EVI5: variants seen among roughly 807,000 people sequenced by gnomAD.
EVI5 encodes the protein ecotropic viral integration site 5.
In EVI5, 73 loss-of-function variants were observed where a neutral mutation model predicts 112.0. That is an observed-to-expected ratio of 0.65 (90% CI 0.54 to 0.79). The LOEUF (loss-of-function observed/expected upper bound fraction) is 0.79, where lower values mean the gene tolerates loss of function less well. EVI5 is among the 30% of genes least tolerant of loss of function. EVI5 has a pLI of 0.00. For missense variants in EVI5, 900 were observed against 968.8 expected, an observed-to-expected ratio of 0.93 and a Z score of 0.94; for synonymous variants, 305 against 319.9, an observed-to-expected ratio of 0.95 and a Z score of 0.50.
At chr1:92,692,343 A>C (rs1478176153) in intron 9 of EVI5, among the ~76,000 whole-genome samples, 1 of 152,200 alleles carries the variant, frequency 6.6e-6, no homozygotes, top group Non-Finnish European at 1.5e-5. Context: ...GGCTAGTGTG[A>C]GTTCAATGTG....
intron 1 of EVI5, among the ~76,000 whole-genome samples, chr1:92,760,887 T>C (rs766431715): frequency 1.3e-5 from 2 of 151,626 alleles, no homozygotes; most frequent in Non-Finnish European, 2.9e-5. Flanking sequence ...AAACCCCATC[T>C]CTACTAAAAA....
chr1:92,728,404 A>G (rs555777250), intron 2 of EVI5, among the ~76,000 whole-genome samples: 4 of 150,316 alleles, frequency 2.7e-5, no homozygotes, highest in Admixed American at 6.6e-5. Flanking sequence ...TTTTGGAGAC[A>G]AAGTCTCGCT....
intron 2 of EVI5, among the ~76,000 whole-genome samples, chr1:92,707,760 G>T (rs1672235790): frequency 6.6e-6 from 1 of 152,076 alleles, no homozygotes; most frequent in Non-Finnish European, 1.5e-5. Context: ...TATCCATATG[G>T]TCCAGCAGTA....
chr1:92,692,466 A>AT (rs1669644090), intron 9 of EVI5, among the ~76,000 whole-genome samples: 1 of 152,240 alleles, frequency 6.6e-6, no homozygotes, highest in African/African-American at 2.4e-5. Flanking sequence ...ACGTATCAAC[A>AT]TGATGGTGGT....
chr1:92,723,781 C>G (rs1483396442), intron 2 of EVI5, among the ~76,000 whole-genome samples: 1 of 152,144 alleles, frequency 6.6e-6, no homozygotes, highest in Admixed American at 6.6e-5. Context: ...TTTCTTCTTG[C>G]AGAAAGTGAG....
At chr1:92,698,457 A>G (rs1026718400) in intron 5 of EVI5, among the ~76,000 whole-genome samples, 2 of 152,238 alleles carry the variant, frequency 1.3e-5, no homozygotes, top group African/African-American at 4.8e-5. Context: ...GATATAGATC[A>G]GGAAAGGTCC....
chr1:92,587,887 T>C (rs892850013), intron 18 of EVI5, among the ~76,000 whole-genome samples: 1 of 152,216 alleles, frequency 6.6e-6, no homozygotes, highest in Non-Finnish European at 1.5e-5. Context: ...CAAAAATCAA[T>C]ATGCTTATCT....
chr1:92,516,618 G>C (rs1659928714), intron 19 of EVI5, among the ~76,000 whole-genome samples: 1 of 152,128 alleles, frequency 6.6e-6, no homozygotes, highest in Admixed American at 6.6e-5. Flanking sequence ...ATTTGGGGAA[G>C]GAATTCCAGG....
intron 9 of EVI5, among the ~76,000 whole-genome samples, chr1:92,691,296 A>T (rs1357795983): frequency 1.3e-5 from 2 of 152,230 alleles, no homozygotes; most frequent in African/African-American, 4.8e-5. Flanking sequence ...TGTATTAAAG[A>T]GTGAAGTGTC....
At chr1:92,666,453 G>C (rs1162898159) in intron 10 of EVI5, among the ~76,000 whole-genome samples, 2 of 145,220 alleles carry the variant, frequency 1.4e-5, no homozygotes, top group Non-Finnish European at 3.1e-5. Context: ...AGGCTGAGGT[G>C]GGAGGCTGGG....
chr1:92,563,494 C>T (rs1266263554), intron 19 of EVI5, 148 bp downstream of exon 19: 1 of 448,148 alleles, frequency 2.2e-6, no homozygotes. Context: ...GCTAAAAAGA[C>T]AATTTTCAAA....
chr1:92,685,941 G>A (rs575684196), intron 9 of EVI5, among the ~76,000 whole-genome samples: 1 of 152,094 alleles, frequency 6.6e-6, no homozygotes, highest in South Asian at 2.1e-4. Flanking sequence ...AGGACCTGAT[G>A]GATTCACAGT....
intron 13 of EVI5, among the ~76,000 whole-genome samples, chr1:92,651,659 G>A (rs1236990540): frequency 6.9e-6 from 1 of 145,960 alleles, no homozygotes; most frequent in Non-Finnish European, 1.5e-5. Context: ...AGACCATCCC[G>A]GCTAAAACGG....
chr1:92,785,361 C>A (rs1685513211), upstream of EVI5, among the ~76,000 whole-genome samples: 1 of 152,210 alleles, frequency 6.6e-6, no homozygotes, highest in African/African-American at 2.4e-5. Context: ...AGAAGACACA[C>A]CCCCTCGGGG....
chr1:92,533,582 C>G (rs1446810370), intron 19 of EVI5, among the ~76,000 whole-genome samples: 2 of 152,120 alleles, frequency 1.3e-5, no homozygotes, highest in Non-Finnish European at 2.9e-5. Flanking sequence ...AGCTTATCCA[C>G]CACGATCAAG....
chr1:92,749,888 GCTCT>G (rs1558198610), intron 1 of EVI5, among the ~76,000 whole-genome samples: 3 of 152,066 alleles, frequency 2.0e-5, no homozygotes, highest in East Asian at 3.9e-4. Flanking sequence ...TCACATAACT[GCTCT>G]CTAAGTCTCT....
chr1:92,685,843 C>T (rs1668431199), intron 9 of EVI5, among the ~76,000 whole-genome samples: 1 of 152,088 alleles, frequency 6.6e-6, no homozygotes, highest in African/African-American at 2.4e-5. Context: ...CAAGACTAAA[C>T]CAGGAAGAAG....
chr1:92,553,533 T>G (rs1037825486), intron 19 of EVI5, among the ~76,000 whole-genome samples: 1 of 151,956 alleles, frequency 6.6e-6, no homozygotes, highest in Non-Finnish European at 1.5e-5. Flanking sequence ...GAACTCCTGA[T>G]CTTGTGATCC....
At position 92,784,880 on chromosome 1, in the gene EVI5, T is replaced by C; in HGVS notation, c.-126A>G. The C allele has an allele frequency of 1.0e-6, 1 of 985,568 alleles. No homozygotes were observed. The highest frequency in any genetic ancestry group is 1.2e-6 in the Non-Finnish European group (1 of 830,300). The allele number at this position is 985,568 out of a possible 1,614,324, so 61.1% of individuals were successfully genotyped here. On this transcript the variant is annotated 5_prime_UTR_variant, in exon 1 of 20. An upstream start codon of the reference 5' UTR is lost. Coordinates refer to ENST00000684568, the MANE Select transcript of EVI5 (RefSeq NM_001350197.2). ...CTTCGCCGTAAACATTAACTTCCCATCCAGCCGGCAGCCGCGCCGCCGCGT... is the reference window on the plus strand; with the variant it reads ...CTTCGCCGTAAACATTAACTTCCCACCCAGCCGGCAGCCGCGCCGCCGCGT...
Sources: allele counts gnomAD v4.1 joint callset (sites outside exome capture counted in the v4.1 genomes callset), GRCh38; gene constraint gnomAD v4.1.1; transcripts MANE v1.5; gene names NCBI Gene and HGNC (gene_info 2026-07-23, HGNC 2026-07-21).